The following KRABD3 variants were observed in gnomAD, a reference collection of about 807,000 sequenced individuals.
KRABD3 encodes the protein KRAB domain-containing protein 3.
the KRABD3 span, chr7:149,729,291 C>T: frequency 6.2e-7 from 1 of 1,602,846 alleles, no homozygotes; most frequent in South Asian, 1.1e-5. Flanking sequence ...TCACCTCCAG[C>T]TGCGTCCCCG....
At chr7:149,731,304 T>G in the KRABD3 span, among the ~76,000 whole-genome samples, 1,904 of 152,282 alleles carry the variant, frequency 0.013, 52 homozygotes, top group African/African-American at 0.041. Flanking sequence ...CACCACATTC[T>G]TCACTCCGCA....
the KRABD3 span, chr7:149,728,813 G>A: frequency 4.3e-6 from 4 of 925,822 alleles, no homozygotes; most frequent in South Asian, 3.5e-5. Flanking sequence ...CTTGTTGGAG[G>A]CCAGAAAGCC....
chr7:149,721,650 G>T, the KRABD3 span: 1 of 1,161,332 alleles, frequency 8.6e-7, no homozygotes, highest in Non-Finnish European at 1.2e-6. Flanking sequence ...CAGTTCCCCT[G>T]TTGTGCTGTT....
the KRABD3 span, chr7:149,714,959 C>T: frequency 5.6e-6 from 6 of 1,066,192 alleles, no homozygotes; most frequent in East Asian, 1.8e-4. Context: ...CCGCCTTCTC[C>T]TGCGCGGACC....
At chr7:149,733,346 C>A in the KRABD3 span, 26 of 1,612,336 alleles carry the variant, frequency 1.6e-5, no homozygotes, top group Admixed American at 5.0e-5. Context: ...CTGTGGGAAG[C>A]CCCTGCAGCA....
At chr7:149,720,795 G>A in the KRABD3 span, 2 of 1,544,114 alleles carry the variant, frequency 1.3e-6, no homozygotes, top group Non-Finnish European at 1.7e-6. Flanking sequence ...GTGCTGAGCA[G>A]CCGCAGGGGT....
chr7:149,733,936 G>T, the KRABD3 span: 1 of 1,597,386 alleles, frequency 6.3e-7, no homozygotes, highest in South Asian at 1.1e-5. Flanking sequence ...CACCAGACGG[G>T]ATCCCAGAGC....
At chr7:149,732,114 G>A in the KRABD3 span, among the ~76,000 whole-genome samples, 4 of 152,166 alleles carry the variant, frequency 2.6e-5, no homozygotes, top group Non-Finnish European at 5.9e-5. This position sits in a 1 kb window ranked among gnomAD's most constrained non-coding sequence, Gnocchi z 4.0. Flanking sequence ...GTGCCCCTAC[G>A]GACTCATGGT....
chr7:149,725,903 T>C, the KRABD3 span: 1 of 1,590,756 alleles, frequency 6.3e-7, no homozygotes, highest in Non-Finnish European at 8.6e-7. Flanking sequence ...CCAGAGAGCC[T>C]GTTCTGCCTC....
At chr7:149,719,235 A>G in the KRABD3 span, among the ~76,000 whole-genome samples, 5 of 152,064 alleles carry the variant, frequency 3.3e-5, no homozygotes, top group African/African-American at 1.2e-4. The surrounding 1 kb of genome is among the most constrained non-coding windows in gnomAD (Gnocchi z 5.6). Flanking sequence ...TCTGATAAGG[A>G]ATGAGTCATA....
At chr7:149,724,966 T>A in the KRABD3 span, 5 of 875,460 alleles carry the variant, frequency 5.7e-6, no homozygotes, top group African/African-American at 6.8e-5. Flanking sequence ...CTGGCCTTTC[T>A]TCCCAAGCAG....
At chr7:149,733,931 G>C in the KRABD3 span, 5 of 1,596,240 alleles carry the variant, frequency 3.1e-6, no homozygotes, top group African/African-American at 6.7e-5. Context: ...AGTGGCACCA[G>C]ACGGGATCCC....
chr7:149,719,797 C>A, the KRABD3 span: 19 of 1,272,430 alleles, frequency 1.5e-5, no homozygotes, highest in Non-Finnish European at 2.0e-5. The surrounding 1 kb of genome is among the most constrained non-coding windows in gnomAD (Gnocchi z 5.6). Context: ...ATCGTTCACG[C>A]TGCTGCTATT....
At chr7:149,733,253 A>C in the KRABD3 span, 2 of 1,611,888 alleles carry the variant, frequency 1.2e-6, no homozygotes, top group East Asian at 4.5e-5. Context: ...TGAGCTGCCC[A>C]GTGAGTCTCC....
At chr7:149,722,129 T>G in the KRABD3 span, 3 of 457,266 alleles carry the variant, frequency 6.6e-6, no homozygotes, top group Non-Finnish European at 4.0e-6. Flanking sequence ...TGTGCCCTGG[T>G]TTGAGAAGCG....
chr7:149,719,821 C>G, the KRABD3 span: 4 of 1,235,372 alleles, frequency 3.2e-6, no homozygotes, highest in Non-Finnish European at 4.4e-6. This position sits in a 1 kb window ranked among gnomAD's most constrained non-coding sequence, Gnocchi z 5.6. Flanking sequence ...TGTCCCGGGA[C>G]CGGGTTCTAG....
At chr7:149,734,370 C>G in the KRABD3 span, 126 of 307,940 alleles carry the variant, frequency 4.1e-4, no homozygotes, top group African/African-American at 2.5e-3. Context: ...CCCACATATG[C>G]AGGGGGTGCC....
the KRABD3 span, chr7:149,721,392 G>C: frequency 1.9e-6 from 3 of 1,591,218 alleles, no homozygotes; most frequent in Non-Finnish European, 2.6e-6. Context: ...GCTGCGGCAA[G>C]AGAGCCCTGC....
chr7:149,729,838 G>A, the KRABD3 span: 1 of 985,438 alleles, frequency 1.0e-6, no homozygotes, highest in Non-Finnish European at 1.2e-6. Context: ...CACCTGCCTG[G>A]TGGGAGAAGC....
Sources: gnomAD v4.1 joint callset for allele counts (sites outside exome capture counted in the v4.1 genomes callset) on GRCh38, gnomAD v4.1.1 for gene constraint, Gnocchi (gnomAD v3.1) non-coding constraint, MANE v1.5 for transcripts, NCBI Gene and HGNC (gene_info 2026-07-23, HGNC 2026-07-21) for gene names.